KIF26B: variants seen among roughly 807,000 people sequenced by gnomAD.
The protein encoded by KIF26B is kinesin family member 26B.
A neutral mutation model predicts 151.2 loss-of-function variants in KIF26B; 63 were observed. The ratio of observed to expected loss-of-function variants is 0.42; its 90% confidence interval spans 0.34 to 0.51. The LOEUF (loss-of-function observed/expected upper bound fraction) is 0.51, where lower values mean the gene tolerates loss of function less well. KIF26B is among the 20% of genes least tolerant of loss of function. The pLI, the probability that KIF26B is intolerant of heterozygous loss-of-function variation, is 0.07. For missense variants in KIF26B, 2,813 were observed against 2,913.6 expected, an observed-to-expected ratio of 0.97 and a Z score of 0.79; for synonymous variants, 1,357 against 1,262.1, an observed-to-expected ratio of 1.08 and a Z score of -1.59.
intron 4 of KIF26B, among the ~76,000 whole-genome samples, chr1:245,528,896 G>T (rs1661300236): frequency 6.6e-6 from 1 of 152,168 alleles, no homozygotes; most frequent in South Asian, 2.1e-4. Context: ...TGTCTAGGCA[G>T]TATCTGGGTC....
At chr1:245,333,524 G>A (rs774260707) in intron 2 of KIF26B, among the ~76,000 whole-genome samples, 42 of 152,176 alleles carry the variant, frequency 2.8e-4, no homozygotes, top group African/African-American at 7.0e-4. Context: ...GGAGGTGGGC[G>A]GTGGTGACGG....
chr1:245,519,753 T>A (rs1196435705), intron 4 of KIF26B, among the ~76,000 whole-genome samples: 1 of 152,132 alleles, frequency 6.6e-6, no homozygotes, highest in Non-Finnish European at 1.5e-5. Context: ...AGTGTAGCCA[T>A]TTGTAACACA....
At chr1:245,610,125 A>G (rs1284536837) in intron 8 of KIF26B, among the ~76,000 whole-genome samples, 5 of 152,120 alleles carry the variant, frequency 3.3e-5, no homozygotes. Context: ...ATTCATATCC[A>G]GAATAATCAA....
chr1:245,461,567 ATAAAT>A (rs1659647519), intron 4 of KIF26B, among the ~76,000 whole-genome samples: 1 of 152,162 alleles, frequency 6.6e-6, no homozygotes, highest in African/African-American at 2.4e-5. Flanking sequence ...TGAGGAGGAA[ATAAAT>A]TAATGTCCAT....
chr1:245,257,966 G>A (rs2103568494), intron 2 of KIF26B, among the ~76,000 whole-genome samples: 1 of 152,188 alleles, frequency 6.6e-6, no homozygotes, highest in African/African-American at 2.4e-5. Flanking sequence ...AGGTTGCAGT[G>A]AGCTGAGATC....
chr1:245,515,142 A>G (rs1440929320), intron 4 of KIF26B, among the ~76,000 whole-genome samples: 5 of 152,172 alleles, frequency 3.3e-5, no homozygotes, highest in African/African-American at 1.2e-4. Context: ...CTTCCATGCT[A>G]CAGCCCTAGA....
intron 4 of KIF26B, among the ~76,000 whole-genome samples, chr1:245,438,466 C>T (rs1658985833): frequency 6.6e-6 from 1 of 152,076 alleles, no homozygotes; most frequent in Admixed American, 6.5e-5. Context: ...TTTAGAGAAC[C>T]TTGAAAGTGT....
Position 245,642,046 on chromosome 1 carries a change from G to A in KIF26B, c.2099-4075G>A, listed in dbSNP as rs1009488767. Among the ~76,000 whole-genome samples, 49 of 152,280 alleles carry A rather than the reference G, an allele frequency of 3.2e-4. 1 individual carries two copies. The highest frequency in any genetic ancestry group is 2.7e-3 in the Admixed American group (41 of 15,310). On this transcript the variant is annotated intron_variant, in intron 9 of 14. Coordinates refer to ENST00000407071, the MANE Select transcript of KIF26B (RefSeq NM_018012.4). ...GCATTAGAGGATACTCTATTCCCTG[G>A]CTTGCTGTGAGTCTCACAATGGCTT...
rs555282873 is a variant in KIF26B at position 245,352,245 on chromosome 1, C to T, written c.466-14589C>T. 1.3e-5 allele frequency among the ~76,000 whole-genome samples: 2 copies of T among 152,250 alleles called. No homozygotes were observed. The highest frequency in any genetic ancestry group is 4.1e-4 in the South Asian group (2 of 4,822). ...GTTTTTATTCTACCATTCCTACCTC[C>T]AGTTTTTTGTTTGTTTGTTTGTTTG... On this transcript the variant is annotated intron_variant, in intron 2 of 14. Coordinates refer to ENST00000407071, the MANE Select transcript of KIF26B (RefSeq NM_018012.4). This position sits in a 1 kb window ranked among gnomAD's most constrained non-coding sequence, Gnocchi z 5.0.
intron 2 of KIF26B, among the ~76,000 whole-genome samples, chr1:245,344,782 G>A (rs561330209): frequency 6.6e-6 from 1 of 152,186 alleles, no homozygotes; most frequent in African/African-American, 2.4e-5. Context: ...TGCATACCGC[G>A]GCCATGTGTT....
intron 2 of KIF26B, among the ~76,000 whole-genome samples, chr1:245,309,639 T>TTA (rs1671626664): frequency 6.7e-6 from 1 of 149,102 alleles, no homozygotes; most frequent in Non-Finnish European, 1.5e-5. Context: ...ACCTCTCTCA[T>TTA]TATATATATA....
chr1:245,446,805 A>G (rs908935187), intron 4 of KIF26B, among the ~76,000 whole-genome samples: 8 of 152,198 alleles, frequency 5.3e-5, no homozygotes, highest in African/African-American at 1.2e-4. Context: ...CAAAGCATCA[A>G]AATAGAACTC....
intron 4 of KIF26B, among the ~76,000 whole-genome samples, chr1:245,539,593 G>A (rs1228587730): frequency 6.6e-6 from 1 of 152,080 alleles, no homozygotes; most frequent in African/African-American, 2.4e-5. Flanking sequence ...AAATGCCTTC[G>A]CCTCACACTG....
At chr1:245,517,354 C>CA (rs530805018) in intron 4 of KIF26B, among the ~76,000 whole-genome samples, 3,458 of 107,126 alleles carry the variant, frequency 0.032, 85 homozygotes, top group African/African-American at 0.082. Flanking sequence ...GACTCTGTCT[C>CA]AAAAAAAAAA....
intron 2 of KIF26B, among the ~76,000 whole-genome samples, chr1:245,349,113 G>A (rs574942654): frequency 2.4e-4 from 36 of 152,256 alleles, no homozygotes; most frequent in African/African-American, 7.7e-4. Flanking sequence ...TGGCTCTATC[G>A]CACAACTGGG....
At chr1:245,328,830 CAG>C (rs1333634109) in intron 2 of KIF26B, among the ~76,000 whole-genome samples, 2 of 152,186 alleles carry the variant, frequency 1.3e-5, no homozygotes, top group Non-Finnish European at 2.9e-5. Flanking sequence ...TGAAGACAGA[CAG>C]GGGAGCAGTG....
intron 4 of KIF26B, among the ~76,000 whole-genome samples, chr1:245,518,370 C>T (rs1335147729): frequency 1.3e-5 from 2 of 152,158 alleles, no homozygotes; most frequent in Admixed American, 6.5e-5. Context: ...AGTCAACCTA[C>T]GCTACTTGTT....
chr1:245,519,546 C>A (rs564142302), intron 4 of KIF26B, among the ~76,000 whole-genome samples: 2 of 134,152 alleles, frequency 1.5e-5, no homozygotes, highest in African/African-American at 5.1e-5. Context: ...AGAGTAGAAC[C>A]CCATCTCAAA....
chr1:245,688,818 G>A lies in KIF26B; in HGVS notation c.5824+11G>A. The A allele has an allele frequency of 6.4e-7, 1 of 1,559,678 alleles. No individual in the cohort carries two copies. Among genetic ancestry groups the A allele is most frequent in the South Asian group, 1.2e-5 (1 of 82,802 alleles). On this transcript the variant is annotated intron_variant, in intron 12 of 14. Coordinates refer to ENST00000407071, the MANE Select transcript of KIF26B (RefSeq NM_018012.4). Reference sequence around the variant, plus strand: ...AACGCTCCAATCCAGGTAGGCGGCTGGGCGCAGGGACGCGGGTGAGGAGGG... The same window carrying A: ...AACGCTCCAATCCAGGTAGGCGGCTAGGCGCAGGGACGCGGGTGAGGAGGG...
Sources: gnomAD v4.1 joint callset for allele counts (sites outside exome capture counted in the v4.1 genomes callset) on GRCh38, gnomAD v4.1.1 for gene constraint, Gnocchi (gnomAD v3.1) non-coding constraint, MANE v1.5 for transcripts, NCBI Gene and HGNC (gene_info 2026-07-23, HGNC 2026-07-21) for gene names.